The following LRRK1 variants were observed in gnomAD, a reference collection of about 807,000 sequenced individuals.
LRRK1 encodes leucine rich repeat kinase 1.
LRRK1 carries 113 observed loss-of-function variants against 209.1 expected under a neutral mutation model. The ratio of observed to expected loss-of-function variants is 0.54; its 90% CI spans 0.46 to 0.63. The LOEUF (loss-of-function observed/expected upper bound fraction) is 0.63, where lower values mean the gene tolerates loss of function less well. LRRK1 is among the 30% of genes least tolerant of loss of function. The pLI, the probability that LRRK1 is intolerant of heterozygous loss-of-function variation, is 0.00. For synonymous variants in LRRK1, 1,144 were observed against 1,099.7 expected (o/e 1.04, Z -0.80); for missense variants, 2,284 against 2,632.2 (o/e 0.87, Z 2.89).
At chr15:101,021,795 TG>T (rs2033804460) in intron 13 of LRRK1, 49 bp from the exon 14 acceptor site, 1 of 1,092,846 alleles carries the variant, frequency 9.2e-7, no homozygotes, top group East Asian at 2.4e-5. Context: ...TGTGTGTGTG[TG>T]TGTGTGTGTG....
In LRRK1 at chr15:101,069,001, C is replaced by G; in HGVS notation, c.*153C>G. ...TGCTAAGAAGTGCTGAGAAGTTACT[C>G]GCCTGGCGGTGGCTCCAGGGTTCTC... On this transcript the variant is annotated 3_prime_UTR_variant, in exon 34 of 34. Transcript: ENST00000388948. The G allele has an allele frequency of 1.4e-6, 1 of 714,142 alleles. No homozygotes were observed. The highest frequency in any genetic ancestry group is 1.8e-5 in the African/African-American group (1 of 55,192). The allele number at this position is 714,142 out of a possible 1,614,324, so 44.2% of individuals were successfully genotyped here.
chr15:101,058,430 C>T (rs1403847590), intron 29 of LRRK1, among the ~76,000 whole-genome samples: 1 of 151,916 alleles, frequency 6.6e-6, no homozygotes, highest in Non-Finnish European at 1.5e-5. Flanking sequence ...CCTAGCCACT[C>T]CAGAGGCTGA....
intron 6 of LRRK1, among the ~76,000 whole-genome samples, chr15:101,007,080 T>A (rs1023954421): frequency 1.3e-4 from 20 of 152,172 alleles, no homozygotes; most frequent in Admixed American, 9.2e-4. Flanking sequence ...TTGAGGGGCG[T>A]AGGCCCAGTC....
intron 2 of LRRK1, among the ~76,000 whole-genome samples, chr15:100,962,823 A>ATATATATATATATTTTTTTT: frequency 1.7e-4 from 2 of 11,548 alleles, no homozygotes; most frequent in African/African-American, 5.0e-4. Context: ...ATATATATAT[A>ATATATATATATATTTTTTTT]TTTTTTTTTT....
intron 2 of LRRK1, among the ~76,000 whole-genome samples, chr15:100,932,047 G>A (rs980868609): frequency 1.3e-5 from 2 of 152,024 alleles, no homozygotes; most frequent in East Asian, 1.9e-4. Flanking sequence ...GTGCAATGGC[G>A]CAACCTCGGC....
In LRRK1 at chr15:101,022,350, G is replaced by A. The variant is rs372067252; in HGVS notation, c.1853-33G>A. 6.1e-5 allele frequency: 97 copies of A among 1,597,062 alleles called. No individual in the cohort carries two copies. In the Admixed American group the frequency reaches 6.5e-4, roughly 11 times the overall value. On this transcript the variant is annotated intron_variant, in intron 14 of 33. Coordinates refer to ENST00000388948, the MANE Select transcript of LRRK1 (RefSeq NM_024652.6). This position sits in a 1 kb window ranked among gnomAD's most constrained non-coding sequence, Gnocchi z 4.0. The stretch of plus-strand genomic sequence containing the variant: ...CTAAGAGATGTGAGCATGTGCCCAC[G>A]CAGCTACCCTTCCCCTTAATGATTT...
chr15:100,950,975 C>T (rs112106308), intron 2 of LRRK1, among the ~76,000 whole-genome samples: 6 of 152,254 alleles, frequency 3.9e-5, no homozygotes, highest in Non-Finnish European at 5.9e-5. Context: ...TGGTGGCGGG[C>T]GCCTGTAGTC....
At chr15:101,041,662 A>G (rs190960802) in intron 20 of LRRK1, among the ~76,000 whole-genome samples, 2 of 152,162 alleles carry the variant, frequency 1.3e-5, no homozygotes, top group East Asian at 3.9e-4. Flanking sequence ...TCCTCCCAGC[A>G]CCCTCTGTAC....
At chr15:100,972,361 A>AGTGTGTGTGT (rs1282794235) in intron 2 of LRRK1, among the ~76,000 whole-genome samples, 3 of 84,032 alleles carry the variant, frequency 3.6e-5, no homozygotes, top group African/African-American at 1.7e-4. Context: ...AGAGAGAGAG[A>AGTGTGTGTGT]GAGTGTGTGT....
At chr15:100,979,602 A>G (rs2141659820) in intron 3 of LRRK1, among the ~76,000 whole-genome samples, 1 of 152,300 alleles carries the variant, frequency 6.6e-6, no homozygotes, top group East Asian at 1.9e-4. Context: ...AAGATTAAAA[A>G]CTTTTCTCTG....
chr15:101,022,071 G>T lies in LRRK1; in HGVS notation c.1852+114G>T. The T allele has an allele frequency of 1.4e-6, 1 of 738,632 alleles. No homozygotes were observed. Among genetic ancestry groups the T allele is most frequent in the South Asian group, 1.8e-5 (1 of 55,110 alleles). The allele number at this position is 738,632 out of a possible 1,614,324, so 45.8% of individuals were successfully genotyped here. A position where few individuals can be genotyped will look rare whatever the true frequency, so the allele number is the denominator to read the frequency against. On this transcript the variant is annotated intron_variant, in intron 14 of 33. Coordinates refer to ENST00000388948, the MANE Select transcript of LRRK1 (RefSeq NM_024652.6). This position sits in a 1 kb window ranked among gnomAD's most constrained non-coding sequence, Gnocchi z 4.0. Reference sequence around the variant, plus strand: ...GGTGACCCATGGAGCCCAGCTCCAGGTTCCAGATTTGACAAGATGCTATAA... The same window carrying T: ...GGTGACCCATGGAGCCCAGCTCCAGTTTCCAGATTTGACAAGATGCTATAA...
At chr15:101,015,256 T>TGC in intron 11 of LRRK1, 70 bp from the exon 12 acceptor site, 1 of 1,269,156 alleles carries the variant, frequency 7.9e-7, no homozygotes, top group African/African-American at 1.5e-5. Context: ...CTTGGCATTA[T>TGC]AACATCACAG....
chr15:100,929,840 T>C (rs762197223), intron 2 of LRRK1, among the ~76,000 whole-genome samples: 2 of 152,234 alleles, frequency 1.3e-5, no homozygotes, highest in Non-Finnish European at 2.9e-5. Flanking sequence ...GTCAGGAATC[T>C]TTTAATGAGT....
rs768028644 is a variant in LRRK1, at chr15:101,069,561, A to G, written c.*713A>G. ...AGCCTTTACATTCCTCTCCACCGAC[A>G]AAAGGAAGGGGAAACTCAATCAGCA... On this transcript the variant is annotated 3_prime_UTR_variant, in exon 34 of 34. Transcript: ENST00000388948. 2.0e-5 allele frequency: 3 copies of G among 152,642 alleles called. No individual in the cohort carries two copies. Among genetic ancestry groups the G allele is most frequent in the Non-Finnish European group, 4.4e-5 (3 of 68,048 alleles). The allele number at this position is 152,642 out of a possible 1,614,324, so 9.5% of individuals were successfully genotyped here. A position where few individuals can be genotyped will look rare whatever the true frequency, so the allele number is the denominator to read the frequency against.
chr15:101,048,379 G>A (rs937296393), intron 21 of LRRK1, 115 bp from the exon 22 acceptor site: 11 of 865,546 alleles, frequency 1.3e-5, no homozygotes, highest in Middle Eastern at 2.8e-4. Flanking sequence ...AGGAGAGGGT[G>A]GGAAAGATGG....
chr15:100,972,056 G>A (rs1184761455), intron 2 of LRRK1, among the ~76,000 whole-genome samples: 1 of 151,732 alleles, frequency 6.6e-6, no homozygotes, highest in East Asian at 1.9e-4. Flanking sequence ...TCAGGCTCCT[G>A]GGTTCAAGTG....
chr15:101,008,628 G>A (rs1338417034), intron 6 of LRRK1, among the ~76,000 whole-genome samples: 1 of 152,242 alleles, frequency 6.6e-6, no homozygotes, highest in Non-Finnish European at 1.5e-5. Context: ...TTGCCTGTGA[G>A]ACGCAGGTGC....
intron 2 of LRRK1, among the ~76,000 whole-genome samples, chr15:100,936,235 A>G (rs1171636905): frequency 2.6e-5 from 4 of 152,250 alleles, no homozygotes; most frequent in African/African-American, 9.6e-5. Context: ...CAAACCTTAC[A>G]GGTACAGCCA....
At position 101,020,913 on chromosome 15, in the gene LRRK1, G is replaced by A. The variant is rs376433587; in HGVS notation, c.1610-140G>A. On this transcript the variant is annotated intron_variant, in intron 12 of 33. Transcript: ENST00000388948. ...TCTGTAGAATGAGAATTGCTAGGTC[G>A]ATGAGGTGAGCATTTTGTTCTGATA... 23 of 816,996 alleles carry A rather than the reference G, an allele frequency of 2.8e-5. No individual in the cohort carries two copies. In the East Asian group the frequency reaches 3.2e-4, roughly 11 times the overall value. 50.6% of individuals were successfully genotyped at this position (816,996 alleles called of 1,614,324 possible).
Sources: allele counts gnomAD v4.1 joint callset (sites outside exome capture counted in the v4.1 genomes callset), GRCh38; gene constraint gnomAD v4.1.1; non-coding constraint Gnocchi (gnomAD v3.1); transcripts MANE v1.5; gene names NCBI Gene and HGNC (gene_info 2026-07-23, HGNC 2026-07-21).